VPS33B: variants seen among roughly 807,000 people sequenced by gnomAD.
VPS33B encodes the protein VPS33B late endosome and lysosome associated.
In VPS33B, 80 loss-of-function variants were observed where a neutral mutation model predicts 95.3. That is an observed-to-expected ratio of 0.84 (90% CI 0.70 to 1.01). The LOEUF (loss-of-function observed/expected upper bound fraction) is 1.01. Among genes scored for constraint, VPS33B ranks in the 50% least tolerant of loss-of-function variants. The probability of loss-of-function intolerance (pLI) is 0.00; values close to 1 mark genes in which losing one functional copy is unlikely to be tolerated. For synonymous variants in VPS33B, 280 were observed against 280.4 expected (o/e 1.00, Z 0.01); for missense variants, 715 against 773.4 (o/e 0.92, Z 0.90).
In VPS33B at chr15:91,006,559, C is replaced by G; in HGVS notation, c.778+93G>C. ...TGGAAGCCAGCAGTTCATTCAGGGT[C>G]TGGGTCTCTCCCACAAACCCTGCCC... On this transcript the variant is annotated intron_variant, in intron 10 of 22. Coordinates refer to ENST00000333371, the MANE Select transcript of VPS33B (RefSeq NM_018668.5). This position sits in a 1 kb window ranked among gnomAD's most constrained non-coding sequence, Gnocchi z 5.4. 1.2e-6 allele frequency: 2 copies of G among 1,606,928 alleles called. No individual in the cohort carries two copies. The highest frequency in any genetic ancestry group is 8.5e-7 in the Non-Finnish European group (1 of 1,173,532).
chr15:91,002,042 C>T lies in VPS33B; in HGVS notation c.1405+8G>A. ...CTGGAGCAGGGGTCACTTGTGCTCCCTGCTTACCTGCAGCCTTGTCGGTCA... is the reference window on the plus strand; with the variant it reads ...CTGGAGCAGGGGTCACTTGTGCTCCTTGCTTACCTGCAGCCTTGTCGGTCA... On this transcript the variant is annotated splice_region_variant and intron_variant, in intron 18 of 22. Transcript: ENST00000333371. The surrounding 1 kb of genome is among the most constrained non-coding windows in gnomAD (Gnocchi z 4.7). 4.3e-6 allele frequency: 7 copies of T among 1,613,692 alleles called. No individual in the cohort carries two copies. The highest frequency in any genetic ancestry group is 4.2e-6 in the Non-Finnish European group (5 of 1,180,018).
In VPS33B at chr15:91,011,843, G is replaced by A. The variant is rs2040787913; in HGVS notation, c.357+1961C>T. Among the ~76,000 whole-genome samples, 1 of 152,020 alleles carries A rather than the reference G, an allele frequency of 6.6e-6. No individual in the cohort carries two copies. Among genetic ancestry groups the A allele is most frequent in the Admixed American group, 6.6e-5 (1 of 15,252 alleles). ...CCTCTTTTAAAAATATAAAAAATTA[G>A]CCACGCACGGTGGTGCACATCTGTA... On this transcript the variant is annotated intron_variant, in intron 5 of 22. Coordinates refer to ENST00000333371, the MANE Select transcript of VPS33B (RefSeq NM_018668.5). The surrounding 1 kb of genome is among the most constrained non-coding windows in gnomAD (Gnocchi z 5.5).
chr15:91,021,906 T>G (rs2151688589), intron 1 of VPS33B, among the ~76,000 whole-genome samples: 1 of 152,314 alleles, frequency 6.6e-6, no homozygotes, highest in Admixed American at 6.5e-5. Context: ...TTTCCGTCCC[T>G]AGGGATGCCT....
In VPS33B at chr15:91,008,021, AG is replaced by A; in HGVS notation, c.404-58del. On this transcript the variant is annotated intron_variant, in intron 6 of 22. Transcript: ENST00000333371. ...AGAAGGTACTTAGCTCCACGTTAAG[AG>A]GGAAGGTCCGCCACAAATATTTGAG... is the stretch of plus-strand genomic sequence containing the variant. The A allele has an allele frequency of 5.2e-6, 8 of 1,544,118 alleles. No homozygotes were observed. In the South Asian group the frequency reaches 8.9e-5, roughly 17 times the overall value.
At position 91,008,759 on chromosome 15, in the gene VPS33B, G is replaced by A. The variant is rs377264471; in HGVS notation, c.404-795C>T. On this transcript the variant is annotated intron_variant, in intron 6 of 22. Transcript: ENST00000333371. ...GGTTGTGCTCCAAAGAGGTCAAACAGCAAGCTGTGAGCACATATATTAAAG... is the reference window on the plus strand; with the variant it reads ...GGTTGTGCTCCAAAGAGGTCAAACAACAAGCTGTGAGCACATATATTAAAG... Among the ~76,000 whole-genome samples, 22 of 152,286 alleles carry A rather than the reference G, an allele frequency of 1.4e-4. No homozygotes were observed. The South Asian group carries it at 4.6e-3, about 32-fold the overall frequency.
At chr15:91,017,072 G>A in intron 2 of VPS33B, 48 bp from the exon 3 acceptor site, 1 of 1,581,974 alleles carries the variant, frequency 6.3e-7, no homozygotes. Context: ...TGCCTGAAAA[G>A]CACAAAGTGT....
At position 90,998,685 on chromosome 15, in the gene VPS33B, G is replaced by A; in HGVS notation, c.*290C>T. 2.1e-6 allele frequency: 1 copy of A among 480,104 alleles called. No homozygotes were observed. The highest frequency in any genetic ancestry group is 3.8e-6 in the Non-Finnish European group (1 of 261,152). The allele number at this position is 480,104 out of a possible 1,614,324, so 29.7% of individuals were successfully genotyped here. A position where few individuals can be genotyped will look rare whatever the true frequency, so the allele number is the denominator to read the frequency against. On this transcript the variant is annotated 3_prime_UTR_variant, in exon 23 of 23. Coordinates refer to ENST00000333371, the MANE Select transcript of VPS33B (RefSeq NM_018668.5). The surrounding 1 kb of genome is among the most constrained non-coding windows in gnomAD (Gnocchi z 4.8). ...AACGACCAACGTATTACATCTGAGAGCAGAGGCTTTATTTACAATGACATT... is the reference window on the plus strand; with the variant it reads ...AACGACCAACGTATTACATCTGAGAACAGAGGCTTTATTTACAATGACATT...
chr15:91,004,551 T>A (rs889911478), intron 16 of VPS33B, among the ~76,000 whole-genome samples: 6 of 152,088 alleles, frequency 3.9e-5, no homozygotes, highest in African/African-American at 1.4e-4. Context: ...TAACTTGCTG[T>A]CCCTTTTTCC....
Position 91,022,539 on chromosome 15 carries a change from A to AGACTCCGCAGC in VPS33B, c.-301_-291dup, listed in dbSNP as rs1284874228. The AGACTCCGCAGC allele has an allele frequency of 2.0e-5, 6 of 295,294 alleles. No individual in the cohort carries two copies. The South Asian group carries it at 5.1e-4, about 25-fold the overall frequency. 18.3% of individuals were successfully genotyped at this position (295,294 alleles called of 1,614,324 possible). A position where few individuals can be genotyped will look rare whatever the true frequency, so the allele number is the denominator to read the frequency against. ...CAGGATTCCGGTCTACACCCCGCAG[A>AGACTCCGCAGC]GACTCCGCAGCGTACGAGGAGAACC... is the stretch of plus-strand genomic sequence containing the variant. On this transcript the variant is annotated 5_prime_UTR_variant, in exon 1 of 23. Transcript: ENST00000333371.
At position 90,999,038 on chromosome 15, in the gene VPS33B, G is replaced by A. The variant is rs1170149426; in HGVS notation, c.1791C>T (p.Phe597=). Residue 597 remains phenylalanine, a synonymous_variant, in exon 23 of 23, where the codon TTC becomes TTT. Coordinates refer to ENST00000333371, the MANE Select transcript of VPS33B (RefSeq NM_018668.5). This position sits in a 1 kb window ranked among gnomAD's most constrained non-coding sequence, Gnocchi z 5.1. ...CGCTGTTTGTGACTGCTGTCGTCAGGAAAATGAACCTGTAGCCTAAGGAGT... is the reference window on the plus strand; with the variant it reads ...CGCTGTTTGTGACTGCTGTCGTCAGAAAAATGAACCTGTAGCCTAAGGAGT... ...LGREKGYRFI[F]LTTAVTNSAR... 1.2e-5 allele frequency: 20 copies of A among 1,614,044 alleles called. No individual in the cohort carries two copies. The highest frequency in any genetic ancestry group is 1.6e-5 in the Non-Finnish European group (19 of 1,180,036).
chr15:91,018,125 G>A lies in VPS33B; in HGVS notation c.97-240C>T, dbSNP rs1314300143. On this transcript the variant is annotated intron_variant, in intron 1 of 22. Coordinates refer to ENST00000333371, the MANE Select transcript of VPS33B (RefSeq NM_018668.5). This position sits in a 1 kb window ranked among gnomAD's most constrained non-coding sequence, Gnocchi z 4.7. The stretch of plus-strand genomic sequence containing the variant: ...GAAGACATCCCACCTTCTTTCTCAG[G>A]TTAACTCCTTGTCACTCAACCCTTC... 9.7e-6 allele frequency: 5 copies of A among 517,676 alleles called. No individual in the cohort carries two copies. In the South Asian group the frequency reaches 9.7e-5, roughly 10 times the overall value. 32.1% of individuals were successfully genotyped at this position (517,676 alleles called of 1,614,324 possible).
In VPS33B at chr15:91,001,082, G is replaced by A. The variant is rs184325109; in HGVS notation, c.1479+307C>T. 1,135 of 377,354 alleles carry A rather than the reference G, an allele frequency of 3.0e-3. 6 individuals carry two copies. The highest frequency in any genetic ancestry group is 6.3e-3 in the Middle Eastern group (7 of 1,108). The allele number at this position is 377,354 out of a possible 1,614,324, so 23.4% of individuals were successfully genotyped here. On this transcript the variant is annotated intron_variant, in intron 19 of 22. Transcript: ENST00000333371. Reference sequence around the variant, plus strand: ...TGTAATCCCAGCACTTTGGGAGGCCGAGGTGGGCGGATCACCTGAGGTCAG... The same window carrying A: ...TGTAATCCCAGCACTTTGGGAGGCCAAGGTGGGCGGATCACCTGAGGTCAG...
rs1364233467 is a variant in VPS33B, at chr15:91,006,939, G to A, written c.700+11C>T. 1 of 1,613,948 alleles carries A rather than the reference G, an allele frequency of 6.2e-7. No homozygotes were observed. Among genetic ancestry groups the A allele is most frequent in the Non-Finnish European group, 8.5e-7 (1 of 1,179,880 alleles). On this transcript the variant is annotated intron_variant, in intron 9 of 22. Coordinates refer to ENST00000333371, the MANE Select transcript of VPS33B (RefSeq NM_018668.5). The surrounding 1 kb of genome is among the most constrained non-coding windows in gnomAD (Gnocchi z 5.4). ...GGCTGAAAGATGACAGGAACGCTGG[G>A]CATAATTTACCTCTGTCCAAGAGAA...
chr15:91,019,510 T>C (rs2041043737), intron 1 of VPS33B, among the ~76,000 whole-genome samples: 1 of 152,106 alleles, frequency 6.6e-6, no homozygotes, highest in East Asian at 1.9e-4. Context: ...TGGTGAAAAA[T>C]AGACCAAAAT....
Position 91,005,523 on chromosome 15 carries a change from A to G in VPS33B, c.1031-69T>C. 1 of 1,610,612 alleles carries G rather than the reference A, an allele frequency of 6.2e-7. No individual in the cohort carries two copies. Among genetic ancestry groups the G allele is most frequent in the Non-Finnish European group, 8.5e-7 (1 of 1,176,966 alleles). ...AAGATGTCCCTTTATTGTCCGGAAG[A>G]ATAAAAAACCTCCTAAGGCAAAATC... On this transcript the variant is annotated intron_variant, in intron 13 of 22. Transcript: ENST00000333371. The surrounding 1 kb of genome is among the most constrained non-coding windows in gnomAD (Gnocchi z 6.4).
In VPS33B at chr15:91,022,549, G is replaced by A; in HGVS notation, c.-300C>T. 3.6e-6 allele frequency: 1 copy of A among 278,660 alleles called. No individual in the cohort carries two copies. Among genetic ancestry groups the A allele is most frequent in the Non-Finnish European group, 6.6e-6 (1 of 150,508 alleles). 17.3% of individuals were successfully genotyped at this position (278,660 alleles called of 1,614,324 possible). On this transcript the variant is annotated 5_prime_UTR_variant, in exon 1 of 23. Transcript: ENST00000333371. ...GTCTACACCCCGCAGAGACTCCGCA[G>A]CGTACGAGGAGAACCCCGCCTTCTA...
In VPS33B at chr15:91,010,586, G is replaced by A. The variant is rs1450219472; in HGVS notation, c.358-740C>T. The stretch of plus-strand genomic sequence containing the variant: ...ACTGCACTCCAGCCTGGGCAACAGA[G>A]TGAGGCCCTGTCTCAAATAAATAAA... On this transcript the variant is annotated intron_variant, in intron 5 of 22. Transcript: ENST00000333371. The surrounding 1 kb of genome is among the most constrained non-coding windows in gnomAD (Gnocchi z 5.7). Among the ~76,000 whole-genome samples the A allele has an allele frequency of 1.3e-5, 2 of 152,102 alleles. No homozygotes were observed. Among genetic ancestry groups the A allele is most frequent in the East Asian group, 3.8e-4 (2 of 5,196 alleles).
At position 91,013,187 on chromosome 15, in the gene VPS33B, T is replaced by TA. The variant is rs1435304398; in HGVS notation, c.357+616dup. ...CCTCGCAAGCGTGAAGCTTTTCATT[T>TA]AAAAAAATCTACGTAGAGGCCTCTT... On this transcript the variant is annotated intron_variant, in intron 5 of 22. Coordinates refer to ENST00000333371, the MANE Select transcript of VPS33B (RefSeq NM_018668.5). This position sits in a 1 kb window ranked among gnomAD's most constrained non-coding sequence, Gnocchi z 4.5. 6.6e-6 allele frequency among the ~76,000 whole-genome samples: 1 copy of TA among 152,204 alleles called. No individual in the cohort carries two copies.
Position 91,010,422 on chromosome 15 carries a change from GAC to G in VPS33B, c.358-578_358-577del, listed in dbSNP as rs771934275. 6.6e-6 allele frequency among the ~76,000 whole-genome samples: 1 copy of G among 152,158 alleles called. No homozygotes were observed. The highest frequency in any genetic ancestry group is 1.5e-5 in the Non-Finnish European group (1 of 68,026). On this transcript the variant is annotated intron_variant, in intron 5 of 22. Coordinates refer to ENST00000333371, the MANE Select transcript of VPS33B (RefSeq NM_018668.5). This position sits in a 1 kb window ranked among gnomAD's most constrained non-coding sequence, Gnocchi z 5.7. ...TCTAGACCAGTCTGGGCAACATAGT[GAC>G]ACCCCATCTCTACAAAACAATGCAA...
Sources: allele counts gnomAD v4.1 joint callset (sites outside exome capture counted in the v4.1 genomes callset), GRCh38; gene constraint gnomAD v4.1.1; non-coding constraint Gnocchi (gnomAD v3.1); transcripts MANE v1.5; gene names NCBI Gene and HGNC (gene_info 2026-07-23, HGNC 2026-07-21).